MNAT1: variants seen among roughly 807,000 people sequenced by gnomAD.
The protein encoded by MNAT1 is CDK-activating kinase assembly factor MAT1.
MNAT1 carries 43 observed loss-of-function variants against 42.0 expected under a neutral mutation model. The ratio of observed to expected loss-of-function variants is 1.02; its 90% CI spans 0.80 to 1.32. The LOEUF (loss-of-function observed/expected upper bound fraction) is 1.32. Among genes scored for constraint, MNAT1 ranks in the 40% most tolerant of loss-of-function variants. The probability of loss-of-function intolerance (pLI) is 0.00; values close to 1 mark genes in which losing one functional copy is unlikely to be tolerated. For missense variants in MNAT1, 306 were observed against 350.4 expected (o/e 0.87, Z 1.01); for synonymous variants, 118 against 120.0 (o/e 0.98, Z 0.11).
chr14:60,953,483 G>T (rs2036421619), intron 7 of MNAT1, among the ~76,000 whole-genome samples: 1 of 152,028 alleles, frequency 6.6e-6, no homozygotes, highest in African/African-American at 2.4e-5. Context: ...ATTAGCAGAG[G>T]GTAAAAGTGC....
At chr14:60,862,375 T>C (rs1594811910) in intron 6 of MNAT1, among the ~76,000 whole-genome samples, 2 of 152,136 alleles carry the variant, frequency 1.3e-5, no homozygotes, top group African/African-American at 4.8e-5. Context: ...AGAAAATCTG[T>C]TTATTTAAGA....
chr14:60,784,321 G>A (rs1594751644), intron 1 of MNAT1, among the ~76,000 whole-genome samples: 1 of 150,582 alleles, frequency 6.6e-6, no homozygotes, highest in African/African-American at 2.4e-5. Context: ...ACTGCGCCCA[G>A]CCACCCAGCT....
At chr14:60,916,751 A>G (rs576819631) in intron 7 of MNAT1, among the ~76,000 whole-genome samples, 1 of 152,314 alleles carries the variant, frequency 6.6e-6, no homozygotes, top group African/African-American at 2.4e-5. Context: ...CAGGAGTTCC[A>G]GATCAGACTG....
rs2031819359 is a variant in MNAT1 at position 60,791,583 on chromosome 14, A to G, written c.90-4634A>G. Among the ~76,000 whole-genome samples, 3 of 152,210 alleles carry G rather than the reference A, an allele frequency of 2.0e-5. No individual in the cohort carries two copies. In the South Asian group the frequency reaches 6.2e-4, roughly 31 times the overall value. On this transcript the variant is annotated intron_variant, in intron 1 of 7. Coordinates refer to ENST00000261245, the MANE Select transcript of MNAT1 (RefSeq NM_002431.4). ...TTCCAAAGTTTAAATTGAGAATGCC[A>G]CATAAGTAAATGTAACACATTCCTA...
At chr14:60,956,347 C>G (rs1029965552) in intron 7 of MNAT1, among the ~76,000 whole-genome samples, 1 of 152,076 alleles carries the variant, frequency 6.6e-6, no homozygotes, top group African/African-American at 2.4e-5. Context: ...AGTTTCATAT[C>G]ATTGTGGTTA....
intron 7 of MNAT1, among the ~76,000 whole-genome samples, chr14:60,898,095 T>TTGTGTGTGTGTG (rs756357048): frequency 3.5e-5 from 5 of 143,668 alleles, no homozygotes; most frequent in African/African-American, 1.1e-4. Context: ...TAGTAATACA[T>TTGTGTGTGTGTG]TGTGTGTGTG....
intron 6 of MNAT1, among the ~76,000 whole-genome samples, chr14:60,857,981 A>T (rs1318458411): frequency 1.3e-5 from 2 of 152,086 alleles, no homozygotes; most frequent in East Asian, 3.9e-4. Flanking sequence ...TTATTGATGG[A>T]TGTTTGGGTT....
chr14:60,764,436 T>C (rs1367636845), intron 1 of MNAT1, among the ~76,000 whole-genome samples: 1 of 151,376 alleles, frequency 6.6e-6, no homozygotes, highest in Non-Finnish European at 1.5e-5. Flanking sequence ...CTAATTGTCT[T>C]AAAGCTTATC....
At chr14:60,905,762 T>C (rs2035184226) in intron 7 of MNAT1, among the ~76,000 whole-genome samples, 1 of 147,414 alleles carries the variant, frequency 6.8e-6, no homozygotes, top group South Asian at 2.1e-4. Flanking sequence ...ACTTCCTTCG[T>C]TTTTTTGCTG....
chr14:60,783,108 C>T (rs1242291631), intron 1 of MNAT1, among the ~76,000 whole-genome samples: 2 of 152,174 alleles, frequency 1.3e-5, no homozygotes, highest in Non-Finnish European at 2.9e-5. Flanking sequence ...CATAGAGTAA[C>T]ATAAACCTAA....
At chr14:60,788,271 T>C (rs1252017050) in intron 1 of MNAT1, among the ~76,000 whole-genome samples, 1 of 152,136 alleles carries the variant, frequency 6.6e-6, no homozygotes, top group African/African-American at 2.4e-5. Context: ...AAGGAATCTT[T>C]TTTTCCGAGC....
chr14:60,820,585 A>G (rs1280104627), intron 6 of MNAT1, among the ~76,000 whole-genome samples: 1 of 150,080 alleles, frequency 6.7e-6, no homozygotes, highest in Non-Finnish European at 1.5e-5. Context: ...AAATCTAGAT[A>G]CTTCGGTATT....
At chr14:60,744,397 G>T (rs1238452612) in intron 1 of MNAT1, among the ~76,000 whole-genome samples, 2 of 151,698 alleles carry the variant, frequency 1.3e-5, no homozygotes, top group African/African-American at 4.8e-5. Flanking sequence ...CTCCCAAAGT[G>T]CGGGGATTAC....
At chr14:60,789,642 G>A (rs553032893) in intron 1 of MNAT1, among the ~76,000 whole-genome samples, 3 of 152,174 alleles carry the variant, frequency 2.0e-5, no homozygotes, top group East Asian at 3.9e-4. Flanking sequence ...CTTTTACCTT[G>A]TTTCCTCAAC....
chr14:60,877,907 CTTATT>C (rs1237351600), intron 6 of MNAT1, among the ~76,000 whole-genome samples: 1 of 151,782 alleles, frequency 6.6e-6, no homozygotes, highest in Non-Finnish European at 1.5e-5. Flanking sequence ...ATAAAATTTT[CTTATT>C]TTATTTGTAT....
intron 6 of MNAT1, among the ~76,000 whole-genome samples, chr14:60,865,924 C>T (rs1259733805): frequency 2.6e-5 from 4 of 152,020 alleles, no homozygotes; most frequent in Non-Finnish European, 5.9e-5. Flanking sequence ...TCACTGGGAA[C>T]GCTCTTTCTT....
intron 1 of MNAT1, among the ~76,000 whole-genome samples, chr14:60,777,444 CA>C (rs905897091): frequency 7.9e-5 from 12 of 151,956 alleles, no homozygotes; most frequent in Admixed American, 7.2e-4. Context: ...TCTCCCCCCC[CA>C]AAATTTTTGT....
intron 3 of MNAT1, among the ~76,000 whole-genome samples, chr14:60,805,258 T>C (rs1468755434): frequency 6.6e-6 from 1 of 152,076 alleles, no homozygotes; most frequent in East Asian, 1.9e-4. Context: ...TTTAGTGAAG[T>C]TTCAGATTCA....
intron 1 of MNAT1, among the ~76,000 whole-genome samples, chr14:60,735,260 G>T (rs938218391): frequency 6.6e-6 from 1 of 152,156 alleles, no homozygotes; most frequent in Non-Finnish European, 1.5e-5. Context: ...TCTGGACATC[G>T]CTGATTAAAA....
Sources: allele counts gnomAD v4.1 joint callset (sites outside exome capture counted in the v4.1 genomes callset), GRCh38; gene constraint gnomAD v4.1.1; transcripts MANE v1.5; gene names NCBI Gene and HGNC (gene_info 2026-07-23, HGNC 2026-07-21).